RIPOR1: variants seen among roughly 807,000 people sequenced by gnomAD.
RIPOR1 encodes rho family-interacting cell polarization regulator 1.
RIPOR1 carries 58 observed loss-of-function variants against 116.5 expected under a neutral mutation model. The ratio of observed to expected loss-of-function variants is 0.50; its 90% CI spans 0.40 to 0.62. RIPOR1 has a LOEUF of 0.62. Among genes scored for constraint, RIPOR1 ranks in the 20% least tolerant of loss-of-function variants. The pLI is 0.00. For missense variants in RIPOR1, 1,372 were observed against 1,586.2 expected, an observed-to-expected ratio of 0.86 and a Z score of 2.29; for synonymous variants, 605 against 650.0, an observed-to-expected ratio of 0.93 and a Z score of 1.05.
At position 67,544,386 on chromosome 16, in the gene RIPOR1, T is replaced by C; in HGVS notation, c.2688T>C (p.Asp896=). 1.9e-6 allele frequency: 3 copies of C among 1,613,136 alleles called. No individual in the cohort carries two copies. The highest frequency in any genetic ancestry group is 8.5e-7 in the Non-Finnish European group (1 of 1,179,824). The part of the protein sequence containing the change: ...RPLSTGCPAL[D]AALVRHLYHC... ...TCAGCACGGGGTGTCCAGCTCTGGA[T>C]GCTGCCTTGGTCCGGCACCTGTACC... Residue 896 remains aspartate, a synonymous_variant, in exon 15 of 22, where the codon GAT becomes GAC. Transcript: ENST00000042381. This position sits in a 1 kb window ranked among gnomAD's most constrained non-coding sequence, Gnocchi z 5.1.
Position 67,537,317 on chromosome 16 carries a change from C to T in RIPOR1, c.-23-1107C>T, listed in dbSNP as rs1016775870. Reference sequence around the variant, plus strand: ...TCATCCCCATGCTCAAATCCCTTTACGCACATTGCTGACCCCAGCTGAGCA... The same window carrying T: ...TCATCCCCATGCTCAAATCCCTTTATGCACATTGCTGACCCCAGCTGAGCA... On this transcript the variant is annotated intron_variant, in intron 1 of 21. Coordinates refer to ENST00000042381, the MANE Select transcript of RIPOR1 (RefSeq NM_024519.4). This position sits in a 1 kb window ranked among gnomAD's most constrained non-coding sequence, Gnocchi z 4.6. The T allele has an allele frequency of 3.4e-5, 38 of 1,107,346 alleles. No homozygotes were observed. The highest frequency in any genetic ancestry group is 4.2e-5 in the Non-Finnish European group (37 of 879,292). 68.6% of individuals were successfully genotyped at this position (1,107,346 alleles called of 1,614,324 possible).
chr16:67,546,550 A>G lies in RIPOR1; in HGVS notation c.*87A>G. On this transcript the variant is annotated 3_prime_UTR_variant, in exon 22 of 22. Transcript: ENST00000042381. ...GGCAGGGAGGGTAAGGGCTGGCTCCAGATACCCCTCCCCCACAGATTCCTA... is the reference window on the plus strand; with the variant it reads ...GGCAGGGAGGGTAAGGGCTGGCTCCGGATACCCCTCCCCCACAGATTCCTA... The G allele has an allele frequency of 4.0e-6, 4 of 997,538 alleles. No homozygotes were observed. The highest frequency in any genetic ancestry group is 5.7e-4 in the Middle Eastern group (2 of 3,530). 61.8% of individuals were successfully genotyped at this position (997,538 alleles called of 1,614,324 possible). A position where few individuals can be genotyped will look rare whatever the true frequency, so the allele number is the denominator to read the frequency against.
At position 67,540,321 on chromosome 16, in the gene RIPOR1, G is replaced by A. The variant is rs376766206; in HGVS notation, c.589G>A (p.Glu197Lys). Reference sequence around the variant, plus strand: ...CCAGAGCATGTGTCTGCTGGAGAGCGAGCTGGAGGCACAGCTGGGCGAGTT... The same window carrying A: ...CCAGAGCATGTGTCTGCTGGAGAGCAAGCTGGAGGCACAGCTGGGCGAGTT... Reference protein sequence around the residue: ...YTESMCLLESELEAQLGEFHL... With the variant: ...YTESMCLLESKLEAQLGEFHL... The change falls in exon 8 of 22, where the codon GAG becomes AAG. Residue 197 changes from glutamate (E) to lysine (K), a missense_variant. Glu to Lys is a moderately conservative substitution (Grantham distance 56). This residue lies in a region of RIPOR1 where 202 missense variants were observed against 295.9 expected (regional missense o/e 0.68). Coordinates refer to ENST00000042381, the MANE Select transcript of RIPOR1 (RefSeq NM_024519.4). The surrounding 1 kb of genome is among the most constrained non-coding windows in gnomAD (Gnocchi z 4.7). 5 of 1,614,034 alleles carry A rather than the reference G, an allele frequency of 3.1e-6. No individual in the cohort carries two copies. The highest frequency in any genetic ancestry group is 1.7e-5 in the Admixed American group (1 of 60,008).
At position 67,537,539 on chromosome 16, in the gene RIPOR1, CG is replaced by C. The variant is rs1281388547; in HGVS notation, c.-23-879del. On this transcript the variant is annotated intron_variant, in intron 1 of 21. Coordinates refer to ENST00000042381, the MANE Select transcript of RIPOR1 (RefSeq NM_024519.4). The surrounding 1 kb of genome is among the most constrained non-coding windows in gnomAD (Gnocchi z 4.6). ...GAAGTGGCCAGGGCCGGAAGGTCCGCGGGGGGCGAGCGCGGGTCGGGGGCCG... is the reference window on the plus strand; with the variant it reads ...GAAGTGGCCAGGGCCGGAAGGTCCGCGGGGGCGAGCGCGGGTCGGGGGCCG... The C allele has an allele frequency of 6.7e-6, 9 of 1,349,004 alleles. No individual in the cohort carries two copies. Among genetic ancestry groups the C allele is most frequent in the South Asian group, 1.8e-5 (1 of 56,434 alleles). 83.6% of individuals were successfully genotyped at this position (1,349,004 alleles called of 1,614,324 possible).
Position 67,537,488 on chromosome 16 carries a change from G to T in RIPOR1, c.-23-936G>T. The T allele has an allele frequency of 7.2e-6, 9 of 1,258,614 alleles. No homozygotes were observed. The highest frequency in any genetic ancestry group is 9.0e-6 in the Non-Finnish European group (9 of 1,000,580). The allele number at this position is 1,258,614 out of a possible 1,614,324, so 78.0% of individuals were successfully genotyped here. On this transcript the variant is annotated intron_variant, in intron 1 of 21. Coordinates refer to ENST00000042381, the MANE Select transcript of RIPOR1 (RefSeq NM_024519.4). This position sits in a 1 kb window ranked among gnomAD's most constrained non-coding sequence, Gnocchi z 4.6. ...AAGCCGAGCCAGAGCCGCTGGGAGC[G>T]AGCCCGGAGCCCAGCCGGGCGGCTC...
Position 67,544,321 on chromosome 16 carries a change from G to C in RIPOR1, c.2623G>C (p.Gly875Arg). 1 of 1,608,744 alleles carries C rather than the reference G, an allele frequency of 6.2e-7. No homozygotes were observed. Among genetic ancestry groups the C allele is most frequent in the Non-Finnish European group, 8.5e-7 (1 of 1,176,010 alleles). ...GDRPPSSPEA[G>R]AEDSIDSPSA... ...CAGGCCTCCAAGCAGCCCGGAGGCTGGGGCTGAGGACAGCATAGACTCACC... is the reference window on the plus strand; with the variant it reads ...CAGGCCTCCAAGCAGCCCGGAGGCTCGGGCTGAGGACAGCATAGACTCACC... The change falls in exon 15 of 22, where the codon GGG becomes CGG. Residue 875 changes from glycine (G) to arginine (R), a missense_variant. By Grantham distance (125) the Gly-to-Arg change is moderately radical. This residue lies in a region of RIPOR1 where 1,005 missense variants were observed against 1,144.7 expected (regional missense o/e 0.88). Transcript: ENST00000042381. This position sits in a 1 kb window ranked among gnomAD's most constrained non-coding sequence, Gnocchi z 5.1.
In RIPOR1 at chr16:67,531,953, G is replaced by A. The variant is rs997269532; in HGVS notation, c.-24+3039G>A. Among the ~76,000 whole-genome samples the A allele has an allele frequency of 1.2e-4, 18 of 152,148 alleles. 1 individual carries two copies. The highest frequency in any genetic ancestry group is 1.2e-3 in the Admixed American group (18 of 15,278). ...GTCGCCCAGGCTGGAGTGTAGTGGT[G>A]AGATCTTGGCTCACTGCAAGCTCCA... On this transcript the variant is annotated intron_variant, in intron 1 of 21. Coordinates refer to ENST00000042381, the MANE Select transcript of RIPOR1 (RefSeq NM_024519.4). The surrounding 1 kb of genome is among the most constrained non-coding windows in gnomAD (Gnocchi z 4.2).
At chr16:67,527,341 C>T (rs549128099), upstream of RIPOR1, among the ~76,000 whole-genome samples, 97 of 151,972 alleles carry the variant, frequency 6.4e-4, no homozygotes, top group Admixed American at 1.1e-3. Flanking sequence ...GCCGAGATCA[C>T]GCCACTATAC....
intron 1 of RIPOR1, among the ~76,000 whole-genome samples, chr16:67,520,254 G>C (rs1037462115): frequency 6.6e-6 from 1 of 151,248 alleles, no homozygotes; most frequent in Non-Finnish European, 1.5e-5. Flanking sequence ...GGTTGTGTGT[G>C]CCTGTGGTCC....
chr16:67,534,137 T>C (rs2050734514), intron 1 of RIPOR1, among the ~76,000 whole-genome samples: 1 of 149,196 alleles, frequency 6.7e-6, no homozygotes, highest in African/African-American at 2.5e-5. Flanking sequence ...TTCTTTTTTG[T>C]AATTTTTTTT....
At position 67,543,103 on chromosome 16, in the gene RIPOR1, G is replaced by A. The variant is rs749560672; in HGVS notation, c.2317G>A (p.Ala773Thr). Residue 773 changes from alanine to threonine, a missense_variant, in exon 13 of 22, where the codon GCT (alanine) becomes ACT (threonine). Ala to Thr is a moderately conservative substitution (Grantham distance 58). Around this residue, in one of 3 missense-constraint regions of RIPOR1, gnomAD observed 1,005 missense variants for 1,144.7 expected, o/e 0.88. Coordinates refer to ENST00000042381, the MANE Select transcript of RIPOR1 (RefSeq NM_024519.4). The surrounding 1 kb of genome is among the most constrained non-coding windows in gnomAD (Gnocchi z 4.7). ...PQHSDLCLAM[A>T]VQTPVPTAAG... ...GCATTCAGACCTTTGCCTGGCCATG[G>A]CTGTCCAGACCCCAGTCCCAACGGC... is the stretch of plus-strand genomic sequence containing the variant. 8 of 1,523,132 alleles carry A rather than the reference G, an allele frequency of 5.3e-6. No homozygotes were observed. Among genetic ancestry groups the A allele is most frequent in the Non-Finnish European group, 7.0e-6 (8 of 1,137,640 alleles). 94.4% of individuals were successfully genotyped at this position (1,523,132 alleles called of 1,614,324 possible). A position where few individuals can be genotyped will look rare whatever the true frequency, so the allele number is the denominator to read the frequency against.
In RIPOR1 at chr16:67,544,536, A is replaced by G. The variant is rs1185132404; in HGVS notation, c.2733+105A>G. On this transcript the variant is annotated intron_variant, in intron 15 of 21. Transcript: ENST00000042381. This position sits in a 1 kb window ranked among gnomAD's most constrained non-coding sequence, Gnocchi z 5.1. The stretch of plus-strand genomic sequence containing the variant: ...ATACCTCCTCTGAGTGCCACACCCC[A>G]GTGCCCCAGGGCCCTTGGCATCTGG... The G allele has an allele frequency of 1.6e-5, 24 of 1,536,188 alleles. No homozygotes were observed. Among genetic ancestry groups the G allele is most frequent in the Non-Finnish European group, 4.4e-6 (5 of 1,134,592 alleles).
rs374445939 is a variant in RIPOR1, at chr16:67,540,276, C to G, written c.568-24C>G. ...GCTAGTGGCTGGCCCTTGACCCCCT[C>G]CTGTCCCTGCCCCTCCCTCCCAGAG... On this transcript the variant is annotated intron_variant, in intron 7 of 21. Coordinates refer to ENST00000042381, the MANE Select transcript of RIPOR1 (RefSeq NM_024519.4). The surrounding 1 kb of genome is among the most constrained non-coding windows in gnomAD (Gnocchi z 4.7). 1.7e-5 allele frequency: 28 copies of G among 1,613,764 alleles called. No individual in the cohort carries two copies. Among genetic ancestry groups the G allele is most frequent in the African/African-American group, 2.7e-5 (2 of 74,918 alleles).
chr16:67,522,707 C>G (rs1331053351), intron 1 of RIPOR1, among the ~76,000 whole-genome samples: 2 of 152,058 alleles, frequency 1.3e-5, no homozygotes, highest in Non-Finnish European at 2.9e-5. Flanking sequence ...CCCGCCCTCA[C>G]CCCACTCACC....
intron 1 of RIPOR1, among the ~76,000 whole-genome samples, chr16:67,519,694 C>T (rs935318666): frequency 3.3e-5 from 5 of 151,812 alleles, no homozygotes; most frequent in Non-Finnish European, 7.4e-5. Context: ...TGGAGGTGTC[C>T]GAAGGTCATC....
chr16:67,543,087 C>A lies in RIPOR1; in HGVS notation c.2301C>A (p.Asp767Glu), dbSNP rs2051045474. 6.6e-7 allele frequency: 1 copy of A among 1,522,794 alleles called. No homozygotes were observed. The highest frequency in any genetic ancestry group is 8.8e-7 in the Non-Finnish European group (1 of 1,137,550). The allele number at this position is 1,522,794 out of a possible 1,614,324, so 94.3% of individuals were successfully genotyped here. A position where few individuals can be genotyped will look rare whatever the true frequency, so the allele number is the denominator to read the frequency against. ...CAACCCCTGCACCCCAGCATTCAGA[C>A]CTTTGCCTGGCCATGGCTGTCCAGA... is the stretch of plus-strand genomic sequence containing the variant. Reference protein sequence around the residue: ...SPPTPAPQHSDLCLAMAVQTP... With the variant: ...SPPTPAPQHSELCLAMAVQTP... The change falls in exon 13 of 22, where the codon GAC (aspartate) becomes GAA (glutamate). Residue 767 changes from aspartate to glutamate, a missense_variant. Physicochemically the swap from Asp to Glu is conservative, Grantham distance 45. Transcript: ENST00000042381. This position sits in a 1 kb window ranked among gnomAD's most constrained non-coding sequence, Gnocchi z 4.7.
Position 67,546,490 on chromosome 16 carries a change from C to T in RIPOR1, c.*27C>T, listed in dbSNP as rs1486931387. ...CTATTCACCCATGGGTTCCTGGTGC[C>T]CCTTTCCCCCCACTTTCAGGGCTCA... is the stretch of plus-strand genomic sequence containing the variant. On this transcript the variant is annotated 3_prime_UTR_variant, in exon 22 of 22. Transcript: ENST00000042381. The T allele has an allele frequency of 1.3e-6, 2 of 1,586,238 alleles. No homozygotes were observed. The highest frequency in any genetic ancestry group is 1.3e-5 in the African/African-American group (1 of 74,422).
At position 67,541,742 on chromosome 16, in the gene RIPOR1, G is replaced by T. The variant is rs765296375; in HGVS notation, c.1040G>T (p.Ser347Ile). Residue 347 changes from serine (S) to isoleucine (I), a missense_variant, in exon 12 of 22, where the codon AGC (serine) becomes ATC (isoleucine). Around this residue, in one of 3 missense-constraint regions of RIPOR1, gnomAD observed 1,005 missense variants for 1,144.7 expected, o/e 0.88. Coordinates refer to ENST00000042381, the MANE Select transcript of RIPOR1 (RefSeq NM_024519.4). This position sits in a 1 kb window ranked among gnomAD's most constrained non-coding sequence, Gnocchi z 4.6. ...VTKRFSTYSQ[S>I]PPDTPSLREQ... ...AAGCGCTTCTCCACCTATAGCCAGAGCCCACCGGACACACCCTCACTTCGG... is the reference window on the plus strand; with the variant it reads ...AAGCGCTTCTCCACCTATAGCCAGATCCCACCGGACACACCCTCACTTCGG... 1 of 1,614,060 alleles carries T rather than the reference G, an allele frequency of 6.2e-7. No homozygotes were observed. The highest frequency in any genetic ancestry group is 8.5e-7 in the Non-Finnish European group (1 of 1,179,980).
In RIPOR1 at chr16:67,545,944, C is replaced by T; in HGVS notation, c.3388-5C>T. ...GGCTAAGTCTGTCCTCCCACCCTTC[C>T]ACAGGCCCTCCTGTGCTTCCTGGAC... On this transcript the variant is annotated splice_region_variant and splice_polypyrimidine_tract_variant and intron_variant, in intron 19 of 21. Coordinates refer to ENST00000042381, the MANE Select transcript of RIPOR1 (RefSeq NM_024519.4). This position sits in a 1 kb window ranked among gnomAD's most constrained non-coding sequence, Gnocchi z 4.8. 1 of 1,614,030 alleles carries T rather than the reference C, an allele frequency of 6.2e-7. No homozygotes were observed. Among genetic ancestry groups the T allele is most frequent in the African/African-American group, 1.3e-5 (1 of 75,032 alleles).
Sources: allele counts gnomAD v4.1 joint callset (sites outside exome capture counted in the v4.1 genomes callset), GRCh38; gene constraint gnomAD v4.1.1; regional missense constraint gnomAD v4.1.1; non-coding constraint Gnocchi (gnomAD v3.1); transcripts MANE v1.5; gene names NCBI Gene and HGNC (gene_info 2026-07-23, HGNC 2026-07-21).